Variants in LMO2 observed in about 807,000 individuals in gnomAD.
LMO2 encodes LIM domain only 2.
LMO2 carries 20 observed loss-of-function variants against 23.2 expected under a neutral mutation model. The observed-to-expected ratio is 0.86, with a 90% CI of 0.61 to 1.25. LMO2 has a LOEUF of 1.25. Among genes scored for constraint, LMO2 ranks in the 50% most tolerant of loss-of-function variants. LMO2 has a pLI of 0.00. For synonymous variants in LMO2, 123 were observed against 130.2 expected, an observed-to-expected ratio of 0.94 and a Z score of 0.38; for missense variants, 270 against 315.3, an observed-to-expected ratio of 0.86 and a Z score of 1.09.
rs181108294 is a variant in LMO2 at position 33,876,703 on chromosome 11, C to T, written c.-272+5121G>A. ...GACTCTCCACTGCAGAACCTCTACCCTCTACAAGGACTAAAGTGTAGAATG... is the reference window on the plus strand; with the variant it reads ...GACTCTCCACTGCAGAACCTCTACCTTCTACAAGGACTAAAGTGTAGAATG... On this transcript the variant is annotated intron_variant, in intron 2 of 5. Coordinates refer to ENST00000257818, the MANE Select transcript of LMO2 (RefSeq NM_005574.4). Among the ~76,000 whole-genome samples, 289 of 152,316 alleles carry T rather than the reference C, an allele frequency of 1.9e-3. 2 individuals are homozygous for T. The highest frequency in any genetic ancestry group is 6.7e-3 in the African/African-American group (279 of 41,572).
chr11:33,867,701 C>G (rs1315315091), intron 4 of LMO2, among the ~76,000 whole-genome samples: 1 of 152,158 alleles, frequency 6.6e-6, no homozygotes, highest in African/African-American at 2.4e-5. Context: ...AGCTGGTGAG[C>G]CTCCAGCAGT....
chr11:33,862,383 G>A (rs1417562373), intron 5 of LMO2, among the ~76,000 whole-genome samples: 1 of 151,718 alleles, frequency 6.6e-6, no homozygotes, highest in East Asian at 1.9e-4. Context: ...TGCCATCACC[G>A]CCACCCCACC....
At chr11:33,882,408 G>C (rs1857306854) in intron 1 of LMO2, among the ~76,000 whole-genome samples, 1 of 152,216 alleles carries the variant, frequency 6.6e-6, no homozygotes, top group South Asian at 2.1e-4. Context: ...CATTTGATAG[G>C]AGAGGAAATT....
rs1856955656 is a variant in LMO2 at position 33,869,822 on chromosome 11, C to T, written c.-106G>A. 3 of 1,083,990 alleles carry T rather than the reference C, an allele frequency of 2.8e-6. No individual in the cohort carries two copies. The highest frequency in any genetic ancestry group is 4.1e-4 in the Middle Eastern group (1 of 2,442). 67.1% of individuals were successfully genotyped at this position (1,083,990 alleles called of 1,614,324 possible). ...CCGCCCGGCCGCCCGGAGCCCCTCG[C>T]ACCTTCGGCCCGGGTCGCGGCGCGC... On this transcript the variant is annotated 5_prime_UTR_variant, in exon 3 of 6. Coordinates refer to ENST00000257818, the MANE Select transcript of LMO2 (RefSeq NM_005574.4).
intron 1 of LMO2, among the ~76,000 whole-genome samples, chr11:33,885,086 A>C (rs937581401): frequency 5.3e-5 from 8 of 152,186 alleles, no homozygotes; most frequent in Non-Finnish European, 7.3e-5. Context: ...TGTGACCAGC[A>C]GGGTTAAATT....
At chr11:33,891,576 C>T (rs1857555340) in intron 1 of LMO2, among the ~76,000 whole-genome samples, 1 of 152,174 alleles carries the variant, frequency 6.6e-6, no homozygotes, top group African/African-American at 2.4e-5. Context: ...CACCGTGGGG[C>T]CTCTCCAAGT....
intron 5 of LMO2, among the ~76,000 whole-genome samples, 181 bp from the exon 6 acceptor site, chr11:33,859,756 T>C (rs1021100084): frequency 1.3e-5 from 2 of 152,106 alleles, no homozygotes; most frequent in African/African-American, 4.8e-5. Context: ...GGAACTCAGA[T>C]GAAACTGGCA....
intron 2 of LMO2, among the ~76,000 whole-genome samples, chr11:33,876,105 T>A (rs1339344619): frequency 6.6e-6 from 1 of 152,188 alleles, no homozygotes; most frequent in East Asian, 1.9e-4. Context: ...TCCCCCTGGA[T>A]CACCCCATGG....
chr11:33,876,422 A>G (rs1857139857), intron 2 of LMO2, among the ~76,000 whole-genome samples: 1 of 152,260 alleles, frequency 6.6e-6, no homozygotes, highest in Non-Finnish European at 1.5e-5. Context: ...ATTCATTAAA[A>G]GAATGACTGT....
At chr11:33,873,499 A>G (rs1351580987) in intron 2 of LMO2, among the ~76,000 whole-genome samples, 2 of 152,250 alleles carry the variant, frequency 1.3e-5, no homozygotes, top group African/African-American at 4.8e-5. Context: ...GAATAATTTT[A>G]AAGCAATCAT....
chr11:33,877,711 C>T (rs1037556193), intron 2 of LMO2, among the ~76,000 whole-genome samples: 1 of 151,976 alleles, frequency 6.6e-6, no homozygotes, highest in Non-Finnish European at 1.5e-5. Flanking sequence ...GTGATCTACA[C>T]GCCTTGGCCT....
intron 1 of LMO2, among the ~76,000 whole-genome samples, chr11:33,887,437 A>G (rs1453833918): frequency 1.3e-5 from 2 of 151,458 alleles, no homozygotes; most frequent in Non-Finnish European, 2.9e-5. Flanking sequence ...ATACTTCTCC[A>G]CAGATATTCA....
chr11:33,859,658 G>A (rs544719649), intron 5 of LMO2, 83 bp from the exon 6 acceptor site: 10 of 1,294,060 alleles, frequency 7.7e-6, no homozygotes, highest in East Asian at 7.2e-5. Flanking sequence ...CCCTAGAAAG[G>A]AGGCCGAACT....
intron 4 of LMO2, among the ~76,000 whole-genome samples, chr11:33,865,899 G>A (rs1856765087): frequency 6.6e-6 from 1 of 152,250 alleles, no homozygotes; most frequent in Admixed American, 6.5e-5. Context: ...AATACGTGTT[G>A]ATTTATAATA....
Position 33,864,080 on chromosome 11 carries a change from C to T in LMO2, c.464+522G>A, listed in dbSNP as rs895662430. ...ACAGGGCCTTTGCCTTTCTGCTCTT[C>T]GAAGACTGCCTTCCTGCTATGAGTC... On this transcript the variant is annotated intron_variant, in intron 5 of 5. Transcript: ENST00000257818. The surrounding 1 kb of genome is among the most constrained non-coding windows in gnomAD (Gnocchi z 4.8). Among the ~76,000 whole-genome samples, 5 of 152,186 alleles carry T rather than the reference C, an allele frequency of 3.3e-5. No homozygotes were observed. Among genetic ancestry groups the T allele is most frequent in the African/African-American group, 9.7e-5 (4 of 41,450 alleles).
chr11:33,874,374 C>T (rs1857089647), intron 2 of LMO2, among the ~76,000 whole-genome samples: 2 of 152,208 alleles, frequency 1.3e-5, no homozygotes, highest in African/African-American at 4.8e-5. Flanking sequence ...GGGGAATTTA[C>T]TTCACTTCTC....
At chr11:33,891,345 A>AC in intron 1 of LMO2, among the ~76,000 whole-genome samples, 3 of 103,850 alleles carry the variant, frequency 2.9e-5, no homozygotes, top group African/African-American at 3.6e-5. Flanking sequence ...GTTGTTAGGC[A>AC]AACACACACA....
chr11:33,889,596 G>C (rs552797278), intron 1 of LMO2, among the ~76,000 whole-genome samples: 12 of 152,274 alleles, frequency 7.9e-5, no homozygotes, highest in African/African-American at 2.6e-4. Flanking sequence ...ACACTCCTAG[G>C]CTCTTGTTAT....
At chr11:33,861,621 T>C (rs1043374818) in intron 5 of LMO2, among the ~76,000 whole-genome samples, 2 of 152,142 alleles carry the variant, frequency 1.3e-5, no homozygotes, top group Non-Finnish European at 2.9e-5. Flanking sequence ...ACAGTTCTGG[T>C]TTCCTGACTG....
Sources: gnomAD v4.1 joint callset for allele counts (sites outside exome capture counted in the v4.1 genomes callset) on GRCh38, gnomAD v4.1.1 for gene constraint, Gnocchi (gnomAD v3.1) non-coding constraint, MANE v1.5 for transcripts, NCBI Gene and HGNC (gene_info 2026-07-23, HGNC 2026-07-21) for gene names.